STRN3: variants seen among roughly 807,000 people sequenced by gnomAD.
STRN3 encodes the protein striatin-3.
STRN3 carries 29 observed loss-of-function variants against 95.6 expected under a neutral mutation model. The observed-to-expected ratio is 0.30, with a 90% CI of 0.23 to 0.41. The LOEUF is 0.41. Ranked by LOEUF, STRN3 falls within the 10% of genes least tolerant of loss-of-function variation. STRN3 has a pLI of 1.00. For synonymous variants in STRN3, 331 were observed against 357.6 expected (o/e 0.93, Z 0.84); for missense variants, 890 against 972.1 (o/e 0.92, Z 1.12).
Position 30,945,618 on chromosome 14 carries a change from A to G in STRN3, c.716+1472T>C, listed in dbSNP as rs534740982. Among the ~76,000 whole-genome samples, 6 of 152,274 alleles carry G rather than the reference A, an allele frequency of 3.9e-5. No homozygotes were observed. The South Asian group carries it at 1.2e-3, about 32-fold the overall frequency. On this transcript the variant is annotated intron_variant, in intron 5 of 17. Transcript: ENST00000357479. ...AAGACCCTGTCTCAAAAATAATAAT[A>G]ATAAAATAAAAAAGAAACACATAAA...
At position 30,905,435 on chromosome 14, in the gene STRN3, G is replaced by GA; in HGVS notation, c.2011dup (p.Ser671PhefsTer11). The GA allele has an allele frequency of 6.2e-7, 1 of 1,602,078 alleles. No homozygotes were observed. Among genetic ancestry groups the GA allele is most frequent in the Non-Finnish European group, 8.5e-7 (1 of 1,175,980 alleles). ...AAACTTACCAGAATCTACCTGTGAT[G>GA]AAAGTATCACCAATGACTGTGATGT... On this transcript the variant is annotated frameshift_variant, in exon 15 of 18. Transcript: ENST00000357479. LOFTEE classifies it high-confidence loss of function.
chr14:31,025,857 G>C, intron 1 of STRN3, 47 bp downstream of exon 1: 1 of 1,570,084 alleles, frequency 6.4e-7, no homozygotes, highest in Non-Finnish European at 8.6e-7. Context: ...CCCCCCGGCC[G>C]GGAACCCAGC....
chr14:30,942,081 C>T (rs1435488780), intron 5 of STRN3, among the ~76,000 whole-genome samples: 2 of 152,190 alleles, frequency 1.3e-5, no homozygotes, highest in East Asian at 3.8e-4. Flanking sequence ...CTCAAATGCA[C>T]TTATGTTTAA....
intron 1 of STRN3, among the ~76,000 whole-genome samples, chr14:30,981,599 C>T (rs1881401472): frequency 6.6e-6 from 1 of 151,884 alleles, no homozygotes; most frequent in Non-Finnish European, 1.5e-5. Flanking sequence ...CACACACACA[C>T]ACACACACCC....
intron 3 of STRN3, 53 bp from the exon 4 acceptor site, chr14:30,950,997 T>C (rs932167271): frequency 6.7e-7 from 1 of 1,484,828 alleles, no homozygotes; most frequent in Non-Finnish European, 9.2e-7. Flanking sequence ...CTCCTGAAAA[T>C]ATTGCCAAAG....
intron 15 of STRN3, among the ~76,000 whole-genome samples, chr14:30,903,344 A>G (rs1013567435): frequency 6.6e-6 from 1 of 152,282 alleles, no homozygotes. Flanking sequence ...GACTTAGAAG[A>G]TAATTTTGGT....
At chr14:30,920,121 T>C (rs1447344665) in intron 8 of STRN3, among the ~76,000 whole-genome samples, 1 of 152,182 alleles carries the variant, frequency 6.6e-6, no homozygotes, top group African/African-American at 2.4e-5. Flanking sequence ...TAAGTAACTC[T>C]AAGAACTATT....
At chr14:30,914,535 T>C (rs2037772619) in intron 9 of STRN3, among the ~76,000 whole-genome samples, 1 of 151,994 alleles carries the variant, frequency 6.6e-6, no homozygotes, top group Non-Finnish European at 1.5e-5. Flanking sequence ...CTGTTTTTAG[T>C]AGAGATGGGC....
At chr14:30,945,914 C>G (rs561670773) in intron 5 of STRN3, among the ~76,000 whole-genome samples, 1 of 152,186 alleles carries the variant, frequency 6.6e-6, no homozygotes, top group African/African-American at 2.4e-5. Flanking sequence ...ATGTTCTAAA[C>G]TTAGATTGCG....
chr14:30,942,892 T>C (rs1345690542), intron 5 of STRN3, among the ~76,000 whole-genome samples: 1 of 152,216 alleles, frequency 6.6e-6, no homozygotes, highest in Non-Finnish European at 1.5e-5. Context: ...AATTCATTCC[T>C]TCCTCACATC....
chr14:30,990,150 T>C (rs1302917973), intron 1 of STRN3, among the ~76,000 whole-genome samples: 1 of 151,134 alleles, frequency 6.6e-6, no homozygotes, highest in African/African-American at 2.4e-5. Flanking sequence ...CTAGCAGTCT[T>C]CTGAGGGCAC....
intron 1 of STRN3, among the ~76,000 whole-genome samples, chr14:31,004,094 G>A (rs1295598364): frequency 1.3e-5 from 2 of 152,004 alleles, no homozygotes; most frequent in Non-Finnish European, 2.9e-5. Context: ...GACCAGCTTA[G>A]GCAGCATGGT....
At chr14:30,988,565 T>A (rs1419090886) in intron 1 of STRN3, among the ~76,000 whole-genome samples, 1 of 152,162 alleles carries the variant, frequency 6.6e-6, no homozygotes, top group Non-Finnish European at 1.5e-5. Flanking sequence ...GCAAATTTAT[T>A]CCTTAAAATC....
intron 1 of STRN3, among the ~76,000 whole-genome samples, chr14:31,008,337 A>T (rs768597392): frequency 5.3e-5 from 8 of 151,942 alleles, no homozygotes; most frequent in Non-Finnish European, 8.8e-5. Context: ...GGCAAAACCC[A>T]GTCTCTATAA....
chr14:30,920,010 G>GT (rs1318930959), intron 8 of STRN3, among the ~76,000 whole-genome samples: 1 of 151,946 alleles, frequency 6.6e-6, no homozygotes, highest in African/African-American at 2.4e-5. Flanking sequence ...AATAAAATAG[G>GT]TAAGTCCAAG....
intron 1 of STRN3, among the ~76,000 whole-genome samples, chr14:30,984,267 A>T (rs1311926978): frequency 0.058 from 77 of 1,334 alleles, no homozygotes; most frequent in Non-Finnish European, 0.07. Context: ...GAGGAATTCT[A>T]AAAAAAAAAA....
chr14:30,895,208 T>C lies in STRN3; in HGVS notation c.*203A>G, dbSNP rs1896109825. 6.8e-6 allele frequency: 4 copies of C among 587,366 alleles called. No homozygotes were observed. The highest frequency in any genetic ancestry group is 2.9e-5 in the East Asian group (1 of 35,008). 36.4% of individuals were successfully genotyped at this position (587,366 alleles called of 1,614,324 possible). A position where few individuals can be genotyped will look rare whatever the true frequency, so the allele number is the denominator to read the frequency against. On this transcript the variant is annotated 3_prime_UTR_variant, in exon 18 of 18. Transcript: ENST00000357479. The stretch of plus-strand genomic sequence containing the variant: ...GGCCACAAATACTGGAGTCCTTTTT[T>C]CTTTGTCCCACAAAATACAGTAATT...
At chr14:31,001,171 T>C (rs753293757) in intron 1 of STRN3, among the ~76,000 whole-genome samples, 1 of 152,186 alleles carries the variant, frequency 6.6e-6, no homozygotes, top group African/African-American at 2.4e-5. Context: ...TGATATCATA[T>C]GAAACTGTCC....
Position 30,900,057 on chromosome 14 carries a change from T to C in STRN3, c.2137+2479A>G, listed in dbSNP as rs148507266. Among the ~76,000 whole-genome samples the C allele has an allele frequency of 5.7e-3, 868 of 152,202 alleles. 6 individuals are homozygous for C. The highest frequency in any genetic ancestry group is 0.02 in the African/African-American group (825 of 41,542). The stretch of plus-strand genomic sequence containing the variant: ...ATTAAATGAGTTTTTAAAGAACTTC[T>C]CTGAAAACACCATATCCAGGCCGGG... On this transcript the variant is annotated intron_variant, in intron 16 of 17. Coordinates refer to ENST00000357479, the MANE Select transcript of STRN3 (RefSeq NM_001083893.2).
Sources: gnomAD v4.1 joint callset for allele counts (sites outside exome capture counted in the v4.1 genomes callset) on GRCh38, gnomAD v4.1.1 for gene constraint, MANE v1.5 for transcripts, NCBI Gene and HGNC (gene_info 2026-07-23, HGNC 2026-07-21) for gene names.